The following PPARD variants were observed in gnomAD, a reference collection of about 807,000 sequenced individuals.
PPARD encodes peroxisome proliferator-activated receptor delta.
PPARD carries 6 observed loss-of-function variants against 39.5 expected under a neutral mutation model. That is an observed-to-expected ratio of 0.15 (90% confidence interval 0.08 to 0.30). The LOEUF is 0.30. Among genes scored for constraint, PPARD ranks in the 10% least tolerant of loss-of-function variants. PPARD has a pLI of 1.00. For synonymous variants in PPARD, 210 were observed against 231.3 expected, an observed-to-expected ratio of 0.91 and a Z score of 0.83; for missense variants, 397 against 596.8, an observed-to-expected ratio of 0.67 and a Z score of 3.49.
chr6:35,410,595 G>A (rs943756501), intron 2 of PPARD, among the ~76,000 whole-genome samples: 8 of 152,224 alleles, frequency 5.3e-5, no homozygotes, highest in Non-Finnish European at 1.0e-4. Context: ...CAGGGTCGGG[G>A]ATGGGAGGCG....
chr6:35,416,000 AGTT>A (rs1765736462), intron 3 of PPARD, among the ~76,000 whole-genome samples: 1 of 152,112 alleles, frequency 6.6e-6, no homozygotes, highest in African/African-American at 2.4e-5. Flanking sequence ...TAAGGCCTTC[AGTT>A]GTTGGATGAG....
At chr6:35,365,546 C>T (rs1421907474) in intron 2 of PPARD, among the ~76,000 whole-genome samples, 3 of 149,786 alleles carry the variant, frequency 2.0e-5, no homozygotes, top group African/African-American at 7.5e-5. Context: ...GGCTGGAGTG[C>T]AGTGGCATGA....
At chr6:35,374,532 C>G (rs111889443) in intron 2 of PPARD, among the ~76,000 whole-genome samples, 3,169 of 151,774 alleles carry the variant, frequency 0.021, 67 homozygotes, top group African/African-American at 0.051. Context: ...GTGGCAGGCA[C>G]CTGTAGTCCC....
rs750412240 is a variant in PPARD at position 35,374,308 on chromosome 6, T to TGGGG, written c.-102+27159_-102+27162dup. ...TAAGGTCATGGTTAGTTCTCGGCGG[T>TGGGG]GGGGCGGGGGGGTTTAGTGGGCAAT... On this transcript the variant is annotated intron_variant, in intron 2 of 7. Transcript: ENST00000360694. Among the ~76,000 whole-genome samples the TGGGG allele has an allele frequency of 6.4e-4, 80 of 125,980 alleles. 1 individual carries two copies. The highest frequency in any genetic ancestry group is 2.9e-3 in the African/African-American group (65 of 22,266). The allele number at this position is 125,980 out of a possible 152,430, so 82.6% of individuals were successfully genotyped here.
intron 2 of PPARD, chr6:35,397,504 GA>G: frequency 1.0e-6 from 1 of 983,792 alleles, no homozygotes. Context: ...GAAGGGTCTG[GA>G]ATGGTCTGGA....
chr6:35,384,977 C>A (rs1250008364), intron 2 of PPARD, among the ~76,000 whole-genome samples: 4 of 139,176 alleles, frequency 2.9e-5, no homozygotes, highest in Admixed American at 6.8e-5. Flanking sequence ...GGTCAGCCCC[C>A]CGCCGGGCCA....
intron 2 of PPARD, among the ~76,000 whole-genome samples, chr6:35,378,052 C>A (rs1180153962): frequency 6.6e-6 from 1 of 151,710 alleles, no homozygotes; most frequent in Non-Finnish European, 1.5e-5. Context: ...TTAGTAGAGA[C>A]GGGGTTTCAC....
chr6:35,416,425 A>G (rs935845944), intron 3 of PPARD, among the ~76,000 whole-genome samples: 3 of 138,756 alleles, frequency 2.2e-5, no homozygotes, highest in East Asian at 2.3e-4. Flanking sequence ...TTCTTAGCAC[A>G]TTGTTTGGTC....
At chr6:35,402,222 A>C (rs1474838477) in intron 2 of PPARD, among the ~76,000 whole-genome samples, 1 of 152,250 alleles carries the variant, frequency 6.6e-6, no homozygotes, top group Non-Finnish European at 1.5e-5. Flanking sequence ...CCCCTCAGAG[A>C]AAAGTACCCT....
chr6:35,416,374 CAAAAAAAAAAAAAAA>C (rs1170617869), intron 3 of PPARD, among the ~76,000 whole-genome samples: 70 of 52,616 alleles, frequency 1.3e-3, no homozygotes, highest in African/African-American at 8.1e-4. Context: ...GACTTCATCT[CAAAAAAAAAAAAAAA>C]AAAAAAAAAA....
intron 2 of PPARD, among the ~76,000 whole-genome samples, chr6:35,353,424 C>T (rs947214570): frequency 6.6e-6 from 1 of 152,168 alleles, no homozygotes; most frequent in Admixed American, 6.5e-5. Context: ...TGGAATAACC[C>T]ATCCCTACCC....
chr6:35,421,049 ACTCCTGAC>A (rs1250412716), intron 4 of PPARD, among the ~76,000 whole-genome samples: 3 of 151,778 alleles, frequency 2.0e-5, no homozygotes, highest in Non-Finnish European at 2.9e-5. Flanking sequence ...CTGGTCTCGA[ACTCCTGAC>A]CTCAGGTGAT....
chr6:35,409,625 A>G (rs1765292948), intron 2 of PPARD, among the ~76,000 whole-genome samples: 1 of 152,124 alleles, frequency 6.6e-6, no homozygotes. Flanking sequence ...CTTGTGTCAC[A>G]GGCGTTTATT....
At chr6:35,384,213 T>G (rs1203044254) in intron 2 of PPARD, among the ~76,000 whole-genome samples, 1 of 107,544 alleles carries the variant, frequency 9.3e-6, no homozygotes, top group African/African-American at 3.8e-5. Flanking sequence ...GGGAGGGAGG[T>G]GGGGGGGTCA....
intron 2 of PPARD, among the ~76,000 whole-genome samples, chr6:35,376,648 G>T (rs1029853937): frequency 6.6e-6 from 1 of 152,108 alleles, no homozygotes; most frequent in Non-Finnish European, 1.5e-5. Context: ...TCACTGCTTA[G>T]TGCGGCACCC....
Position 35,424,814 on chromosome 6 carries a change from A to C in PPARD, c.1078+35A>C. On this transcript the variant is annotated intron_variant, in intron 7 of 7. Coordinates refer to ENST00000360694, the MANE Select transcript of PPARD (RefSeq NM_006238.5). The surrounding 1 kb of genome is among the most constrained non-coding windows in gnomAD (Gnocchi z 7.1). ...AGTGGGGCAGGTGGGCTGGCCTGGC[A>C]CACCCAGTCGTCCTGGGGGTTGGCC... 6.2e-7 allele frequency: 1 copy of C among 1,601,228 alleles called. No homozygotes were observed. Among genetic ancestry groups the C allele is most frequent in the Non-Finnish European group, 8.5e-7 (1 of 1,172,950 alleles).
At chr6:35,365,048 G>A (rs1174225399) in intron 2 of PPARD, among the ~76,000 whole-genome samples, 4 of 151,386 alleles carry the variant, frequency 2.6e-5, no homozygotes, top group Non-Finnish European at 4.4e-5. Context: ...ATACCTGTCT[G>A]CTATACTCAC....
intron 3 of PPARD, among the ~76,000 whole-genome samples, chr6:35,418,454 G>A (rs1273712253): frequency 6.6e-6 from 1 of 152,244 alleles, no homozygotes; most frequent in Non-Finnish European, 1.5e-5. Context: ...TCGCGTGCCT[G>A]CTGCGTGCCC....
Position 35,424,918 on chromosome 6 carries a change from C to A in PPARD, c.1078+139C>A. The A allele has an allele frequency of 6.9e-7, 1 of 1,451,312 alleles. No homozygotes were observed. The highest frequency in any genetic ancestry group is 9.0e-7 in the Non-Finnish European group (1 of 1,106,194). 89.9% of individuals were successfully genotyped at this position (1,451,312 alleles called of 1,614,324 possible). On this transcript the variant is annotated intron_variant, in intron 7 of 7. Coordinates refer to ENST00000360694, the MANE Select transcript of PPARD (RefSeq NM_006238.5). The surrounding 1 kb of genome is among the most constrained non-coding windows in gnomAD (Gnocchi z 7.1). ...GATCTTGGCAGTGGAACATGCAAGG[C>A]ACTGACTGAGCATGCAGGATCAGCT...
Sources: gnomAD v4.1 joint callset for allele counts (sites outside exome capture counted in the v4.1 genomes callset) on GRCh38, gnomAD v4.1.1 for gene constraint, Gnocchi (gnomAD v3.1) non-coding constraint, MANE v1.5 for transcripts, NCBI Gene and HGNC (gene_info 2026-07-23, HGNC 2026-07-21) for gene names.